Variants in PSMA6 observed in about 807,000 individuals in gnomAD.
PSMA6 encodes the protein proteasome subunit alpha type-6.
For synonymous variants in PSMA6, 88 were observed against 97.7 expected (o/e 0.90, Z 0.59); for missense variants, 170 against 294.8 (o/e 0.58, Z 3.10).
chr14:35,297,119 GTTTTT>G lies in PSMA6; in HGVS notation c.76+4590_76+4594del, dbSNP rs924383407. ...GTAGCTTCAAAAAAATCTTAACAAA[GTTTTT>G]TTTTTTTTTTTTTTTTTTTTTTGCC... On this transcript the variant is annotated intron_variant, in intron 1 of 6. Coordinates refer to ENST00000261479, the MANE Select transcript of PSMA6 (RefSeq NM_002791.3). 3.8e-4 allele frequency among the ~76,000 whole-genome samples: 24 copies of G among 62,660 alleles called. 1 individual carries two copies. In the East Asian group the frequency reaches 9.9e-3, roughly 26 times the overall value. The allele number at this position is 62,660 out of a possible 152,430, so 41.1% of individuals were successfully genotyped here.
chr14:35,283,363 CAA>C (rs754386797), intron 1 of PSMA6, among the ~76,000 whole-genome samples: 9 of 64,804 alleles, frequency 1.4e-4, no homozygotes, highest in African/African-American at 1.2e-4. Context: ...CCTATCTCTA[CAA>C]AAAAAAAAAA....
exon 1 of PSMA6, chr14:35,278,636 G>A: frequency 6.6e-7 from 1 of 1,525,826 alleles, no homozygotes; most frequent in East Asian, 2.4e-5. Context: ...GCAGGGTAGT[G>A]TCCTAGGCTG....
rs2051946376 is a variant in PSMA6 at position 35,311,627 on chromosome 14, A to G, written c.409+732A>G. ...TTGCCCTTATATTTTGTATATATCA[A>G]ATATAAGAAAGCAGTCAAACCATTA... On this transcript the variant is annotated intron_variant, in intron 4 of 6. Coordinates refer to ENST00000261479, the MANE Select transcript of PSMA6 (RefSeq NM_002791.3). Among the ~76,000 whole-genome samples the G allele has an allele frequency of 2.6e-5, 4 of 152,334 alleles. No homozygotes were observed. The South Asian group carries it at 8.3e-4, about 32-fold the overall frequency.
At chr14:35,284,749 G>T (rs1454267592) in intron 1 of PSMA6, among the ~76,000 whole-genome samples, 1 of 152,074 alleles carries the variant, frequency 6.6e-6, no homozygotes, top group Non-Finnish European at 1.5e-5. Context: ...ATGCCTCACT[G>T]ATCCTCAAAA....
chr14:35,308,599 C>G (rs1012732239), intron 2 of PSMA6, among the ~76,000 whole-genome samples: 1 of 152,130 alleles, frequency 6.6e-6, no homozygotes, highest in Non-Finnish European at 1.5e-5. Context: ...ACTTATTAAA[C>G]TTCATGGCGT....
chr14:35,299,350 T>C (rs2051665039), intron 1 of PSMA6, among the ~76,000 whole-genome samples: 1 of 145,482 alleles, frequency 6.9e-6, no homozygotes, highest in Non-Finnish European at 1.5e-5. Context: ...TGAGATGGAG[T>C]CTCACCCTGT....
intron 1 of PSMA6, 124 bp downstream of exon 1, chr14:35,292,676 A>G (rs1339027939): frequency 4.0e-6 from 6 of 1,490,908 alleles, no homozygotes; most frequent in Admixed American, 2.3e-5. Context: ...GGAAGGGAGA[A>G]CGGCTGAAGC....
In PSMA6 at chr14:35,296,609, G is replaced by A. The variant is rs112419610; in HGVS notation, c.76+4057G>A. 5.9e-5 allele frequency among the ~76,000 whole-genome samples: 9 copies of A among 152,216 alleles called. No individual in the cohort carries two copies. The South Asian group carries it at 1.7e-3, about 28-fold the overall frequency. The stretch of plus-strand genomic sequence containing the variant: ...CTCCCAAAGTTCTGGGATTACAAGC[G>A]TGAGCCACCATGCCCCGCCTTCAAT... On this transcript the variant is annotated intron_variant, in intron 1 of 6. Coordinates refer to ENST00000261479, the MANE Select transcript of PSMA6 (RefSeq NM_002791.3).
intron 1 of PSMA6, among the ~76,000 whole-genome samples, chr14:35,303,638 G>T (rs183364604): frequency 6.6e-6 from 1 of 152,154 alleles, no homozygotes; most frequent in Admixed American, 6.5e-5. Flanking sequence ...GGGCTGATCT[G>T]ATAGAAGCTT....
chr14:35,292,615 C>A, intron 1 of PSMA6, 63 bp downstream of exon 1: 4 of 1,578,678 alleles, frequency 2.5e-6, no homozygotes, highest in East Asian at 4.5e-5. Context: ...GTGCCTGGAG[C>A]GAGCAGACGC....
At chr14:35,317,182 C>T in intron 6 of PSMA6, 67 bp from the exon 7 acceptor site, 1 of 1,226,684 alleles carries the variant, frequency 8.2e-7, no homozygotes, top group Non-Finnish European at 1.2e-6. Context: ...TTATACTATC[C>T]CACTTTTACG....
upstream of PSMA6, among the ~76,000 whole-genome samples, chr14:35,291,309 T>C (rs139974454): frequency 6.6e-6 from 1 of 151,318 alleles, no homozygotes; most frequent in East Asian, 1.9e-4. Context: ...GCTCCGCCTC[T>C]CCGGTTCACG....
upstream of PSMA6, chr14:35,292,378 C>T (rs751222596): frequency 6.4e-5 from 98 of 1,534,824 alleles, no homozygotes; most frequent in Non-Finnish European, 7.9e-5. Flanking sequence ...GCGGCTGGTA[C>T]CCCGGAAGCA....
At chr14:35,279,434 T>C (rs10149823) in intron 1 of PSMA6, among the ~76,000 whole-genome samples, 22,449 of 152,178 alleles carry the variant, frequency 0.15, 3,156 homozygotes, top group African/African-American at 0.36. Context: ...TAAAATAGTA[T>C]TTGCATAGCT....
At chr14:35,312,787 T>A in intron 4 of PSMA6, 94 bp from the exon 5 acceptor site, 1 of 1,169,996 alleles carries the variant, frequency 8.5e-7, no homozygotes, top group Non-Finnish European at 1.2e-6. Context: ...ATGGCCAAAG[T>A]CATGATTAGC....
rs756827466 is a variant in PSMA6 at position 35,317,266 on chromosome 14, A to C, written c.701A>C (p.Glu234Ala). 1.2e-6 allele frequency: 2 copies of C among 1,613,034 alleles called. No homozygotes were observed. The highest frequency in any genetic ancestry group is 2.2e-5 in the South Asian group (2 of 91,048). ...CCTTCTAGGATTCTTACAGAAGCAG[A>C]GATTGATGCTCACCTTGTTGCTCTA... Reference protein sequence around the residue: ...NPKFRILTEAEIDAHLVALAE... With the variant: ...NPKFRILTEAAIDAHLVALAE... Residue 234 changes from glutamate (E) to alanine (A), a missense_variant, in exon 7 of 7, where the codon GAG (glutamate) becomes GCG (alanine). Physicochemically the swap from Glu to Ala is moderately radical, Grantham distance 107. Transcript: ENST00000261479.
intron 1 of PSMA6, 34 bp downstream of exon 1, chr14:35,292,586 A>T: frequency 1.2e-6 from 2 of 1,609,402 alleles, no homozygotes; most frequent in African/African-American, 1.3e-5. Flanking sequence ...GGGCCACCTG[A>T]ATTGCCCTGT....
chr14:35,304,181 C>T (rs2051775413), intron 1 of PSMA6, among the ~76,000 whole-genome samples: 1 of 152,102 alleles, frequency 6.6e-6, no homozygotes, highest in African/African-American at 2.4e-5. Flanking sequence ...CCATGTCGGC[C>T]AGGATGGTCT....
intron 1 of PSMA6, among the ~76,000 whole-genome samples, chr14:35,299,796 A>G (rs1251422819): frequency 6.6e-6 from 1 of 152,158 alleles, no homozygotes; most frequent in Admixed American, 6.5e-5. Context: ...AAAACATTTC[A>G]TGGTGGTAGT....
Sources: allele counts gnomAD v4.1 joint callset (sites outside exome capture counted in the v4.1 genomes callset), GRCh38; gene constraint gnomAD v4.1.1; transcripts MANE v1.5; gene names NCBI Gene and HGNC (gene_info 2026-07-23, HGNC 2026-07-21).